Variants in RXFP1 observed in about 807,000 individuals in gnomAD.
RXFP1 encodes the protein relaxin family peptide receptor 1.
RXFP1 carries 73 observed loss-of-function variants against 89.8 expected under a neutral mutation model. The observed-to-expected ratio is 0.81, with a 90% CI of 0.67 to 0.99. RXFP1 has a LOEUF of 0.99. Among genes scored for constraint, RXFP1 ranks in the 50% least tolerant of loss-of-function variants. RXFP1 has a pLI of 0.00. For synonymous variants in RXFP1, 277 were observed against 305.5 expected, an observed-to-expected ratio of 0.91 and a Z score of 0.97; for missense variants, 793 against 895.5, an observed-to-expected ratio of 0.89 and a Z score of 1.46.
Position 158,599,307 on chromosome 4 carries a change from C to T in RXFP1, c.287-19C>T. On this transcript the variant is annotated intron_variant, in intron 3 of 17. Coordinates refer to ENST00000307765, the MANE Select transcript of RXFP1 (RefSeq NM_021634.4). ...GGTCCCTCACTGTCATCATGCCTTA[C>T]CACTTCCCCTTGATTCAGTGGTCGG... 6.2e-7 allele frequency: 1 copy of T among 1,613,780 alleles called. No homozygotes were observed. Among genetic ancestry groups the T allele is most frequent in the Non-Finnish European group, 8.5e-7 (1 of 1,179,850 alleles).
intron 2 of RXFP1, among the ~76,000 whole-genome samples, chr4:158,578,785 G>A (rs1244956684): frequency 6.6e-6 from 1 of 151,814 alleles, no homozygotes; most frequent in Non-Finnish European, 1.5e-5. Context: ...TAGCACTTTA[G>A]CAGCCTTGTC....
At chr4:158,623,913 A>G (rs1467847398) in intron 9 of RXFP1, among the ~76,000 whole-genome samples, 1 of 152,164 alleles carries the variant, frequency 6.6e-6, no homozygotes, top group East Asian at 1.9e-4. Context: ...AGTGAATATG[A>G]AAGATCCTGG....
intron 1 of RXFP1, among the ~76,000 whole-genome samples, chr4:158,540,245 A>G (rs776723431): frequency 1.4e-4 from 21 of 152,124 alleles, no homozygotes; most frequent in Non-Finnish European, 4.4e-5. Context: ...AGCAGCTTAT[A>G]CTTATTTCTT....
chr4:158,625,146 C>G (rs1243022899), intron 9 of RXFP1, among the ~76,000 whole-genome samples: 1 of 152,026 alleles, frequency 6.6e-6, no homozygotes, highest in Non-Finnish European at 1.5e-5. Flanking sequence ...ATGGCCAGTC[C>G]CTGTCACAGA....
chr4:158,580,691 A>C (rs904718832), intron 2 of RXFP1, among the ~76,000 whole-genome samples: 1 of 152,128 alleles, frequency 6.6e-6, no homozygotes, highest in Non-Finnish European at 1.5e-5. Context: ...ACTGCGGCGG[A>C]CTTTGTTGTC....
chr4:158,608,060 A>T lies in RXFP1; in HGVS notation c.536+17A>T, dbSNP rs184323601. 6.1e-5 allele frequency: 94 copies of T among 1,541,740 alleles called. No individual in the cohort carries two copies. In the Admixed American group the frequency reaches 1.6e-3, roughly 26 times the overall value. ...TACTAAACTGTAAGTACCAGTGTGA[A>T]TTAATTTGCCCATTCCATGGTAGTC... On this transcript the variant is annotated intron_variant, in intron 6 of 17. Coordinates refer to ENST00000307765, the MANE Select transcript of RXFP1 (RefSeq NM_021634.4).
chr4:158,522,377 C>T (rs1741397033), intron 1 of RXFP1, among the ~76,000 whole-genome samples: 1 of 152,180 alleles, frequency 6.6e-6, no homozygotes, highest in Admixed American at 6.5e-5. Flanking sequence ...GGAAAGTTCT[C>T]ACATTTGTGC....
intron 10 of RXFP1, among the ~76,000 whole-genome samples, chr4:158,627,648 C>T (rs562676984): frequency 1.6e-4 from 24 of 151,956 alleles, no homozygotes; most frequent in African/African-American, 5.8e-4. Flanking sequence ...TGTATATAGG[C>T]GATACAATAG....
At chr4:158,595,907 G>A (rs761688539) in intron 3 of RXFP1, among the ~76,000 whole-genome samples, 4 of 151,700 alleles carry the variant, frequency 2.6e-5, no homozygotes, top group African/African-American at 9.7e-5. Flanking sequence ...AGCACTTTGC[G>A]AGGCTGAGGT....
intron 10 of RXFP1, 86 bp downstream of exon 10, chr4:158,626,977 C>G: frequency 1.7e-6 from 1 of 602,708 alleles, no homozygotes; most frequent in East Asian, 3.4e-5. Flanking sequence ...AAAAAAAATC[C>G]CAAAGAACAT....
chr4:158,561,864 G>A (rs1047917938), intron 1 of RXFP1, among the ~76,000 whole-genome samples: 2 of 152,056 alleles, frequency 1.3e-5, no homozygotes, highest in African/African-American at 2.4e-5. Flanking sequence ...CTGACCTCAA[G>A]TGATCTGCCC....
At chr4:158,587,662 T>C (rs1758563237) in intron 2 of RXFP1, among the ~76,000 whole-genome samples, 1 of 152,210 alleles carries the variant, frequency 6.6e-6, no homozygotes, top group South Asian at 2.1e-4. Flanking sequence ...AATAATAATT[T>C]ATGATTTTAA....
intron 1 of RXFP1, among the ~76,000 whole-genome samples, chr4:158,562,260 T>C (rs1752605851): frequency 6.6e-6 from 1 of 152,160 alleles, no homozygotes; most frequent in African/African-American, 2.4e-5. Flanking sequence ...TTATCACAGT[T>C]TAAAATACAC....
intron 1 of RXFP1, among the ~76,000 whole-genome samples, chr4:158,527,154 A>C (rs1458505583): frequency 6.6e-6 from 1 of 152,092 alleles, no homozygotes; most frequent in African/African-American, 2.4e-5. Context: ...AAAAAACAAA[A>C]AGCTGTTGAG....
At chr4:158,650,003 G>T (rs1394579517) in intron 17 of RXFP1, among the ~76,000 whole-genome samples, 1 of 152,172 alleles carries the variant, frequency 6.6e-6, no homozygotes, top group Non-Finnish European at 1.5e-5. Context: ...TCCATAGATT[G>T]GTAAATGGAT....
At chr4:158,565,194 T>G (rs1429474091) in intron 1 of RXFP1, among the ~76,000 whole-genome samples, 1 of 152,174 alleles carries the variant, frequency 6.6e-6, no homozygotes, top group Non-Finnish European at 1.5e-5. Flanking sequence ...TATATTAAGT[T>G]AATAGAAAGC....
At chr4:158,650,550 C>T (rs573908585) in intron 17 of RXFP1, among the ~76,000 whole-genome samples, 10 of 151,782 alleles carry the variant, frequency 6.6e-5, no homozygotes, top group Non-Finnish European at 1.5e-4. Context: ...GGGCAGATCA[C>T]TTGAGGTCAG....
Position 158,542,109 on chromosome 4 carries a change from A to ATATATATATATATTTT in RXFP1, c.49+20085_49+20086insATATATATATATTTTT. On this transcript the variant is annotated intron_variant, in intron 1 of 17. Coordinates refer to ENST00000307765, the MANE Select transcript of RXFP1 (RefSeq NM_021634.4). ...TATATATATATATATATATATATATATTTTTTTTTTAGTAGAGACAGGGTT... is the reference window on the plus strand; with the variant it reads ...TATATATATATATATATATATATATATATATATATATATTTTTTTTTTTTTTAGTAGAGACAGGGTT... Among the ~76,000 whole-genome samples the ATATATATATATATTTT allele has an allele frequency of 3.9e-3, 136 of 35,156 alleles. 4 individuals carry two copies. The highest frequency in any genetic ancestry group is 9.9e-3 in the East Asian group (8 of 810). The allele number at this position is 35,156 out of a possible 152,430, so 23.1% of individuals were successfully genotyped here.
chr4:158,652,241 T>C lies in RXFP1; in HGVS notation c.*186T>C, dbSNP rs1772879015. 5.7e-6 allele frequency: 3 copies of C among 522,192 alleles called. 1 individual carries two copies. In the South Asian group the frequency reaches 9.3e-5, roughly 16 times the overall value. The allele number at this position is 522,192 out of a possible 1,614,324, so 32.3% of individuals were successfully genotyped here. The stretch of plus-strand genomic sequence containing the variant: ...AAGGGAAGTAATTATATCAATAATG[T>C]ATATATATTAGTAGACATTTTGCAT... On this transcript the variant is annotated 3_prime_UTR_variant, in exon 18 of 18. Transcript: ENST00000307765.
Sources: gnomAD v4.1 joint callset for allele counts (sites outside exome capture counted in the v4.1 genomes callset) on GRCh38, gnomAD v4.1.1 for gene constraint, MANE v1.5 for transcripts, NCBI Gene and HGNC (gene_info 2026-07-23, HGNC 2026-07-21) for gene names.